SAG: variants seen among roughly 807,000 people sequenced by gnomAD.
SAG encodes the protein S-arrestin.
SAG carries 45 observed loss-of-function variants against 55.0 expected under a neutral mutation model. The ratio of observed to expected loss-of-function variants is 0.82; its 90% CI spans 0.64 to 1.05. SAG has a LOEUF of 1.05. Among genes scored for constraint, SAG ranks in the 50% least tolerant of loss-of-function variants. The pLI is 0.00. For missense variants in SAG, 455 were observed against 512.1 expected (o/e 0.89, Z 1.08); for synonymous variants, 189 against 197.4 (o/e 0.96, Z 0.36).
At chr2:233,309,347 T>C in intron 2 of SAG, 83 bp downstream of exon 2, 1 of 1,273,064 alleles carries the variant, frequency 7.9e-7, no homozygotes. Flanking sequence ...GTAGTCATGA[T>C]CAACATCAAA....
chr2:233,324,412 A>G (rs1315569577), intron 6 of SAG, among the ~76,000 whole-genome samples: 1 of 152,122 alleles, frequency 6.6e-6, no homozygotes, highest in Non-Finnish European at 1.5e-5. Flanking sequence ...CAAACAACAA[A>G]CAAAAAAAGT....
In SAG at chr2:233,327,535, C is replaced by T. The variant is rs923153413; in HGVS notation, c.512+338C>T. Reference sequence around the variant, plus strand: ...AACATGAAGTTTGCCATTTTAACCACTTTTTTTTCTTTTTTTCTTTTATTT... The same window carrying T: ...AACATGAAGTTTGCCATTTTAACCATTTTTTTTTCTTTTTTTCTTTTATTT... On this transcript the variant is annotated intron_variant, in intron 7 of 15. Transcript: ENST00000409110. The T allele has an allele frequency of 3.5e-3, 655 of 189,854 alleles. 2 individuals carry two copies. Among genetic ancestry groups the T allele is most frequent in the African/African-American group, 0.014 (604 of 42,486 alleles). The allele number at this position is 189,854 out of a possible 1,614,324, so 11.8% of individuals were successfully genotyped here.
At chr2:233,336,709 A>G (rs1215847671) in intron 11 of SAG, among the ~76,000 whole-genome samples, 2 of 152,156 alleles carry the variant, frequency 1.3e-5, no homozygotes, top group Non-Finnish European at 2.9e-5. Flanking sequence ...CCAGCCCAGG[A>G]AGATGCCAGG....
At position 233,338,949 on chromosome 2, in the gene SAG, A is replaced by G. The variant is rs975502329; in HGVS notation, c.1022+196A>G. On this transcript the variant is annotated intron_variant, in intron 12 of 15. Transcript: ENST00000409110. ...TGTCTGATAAAATGTCAGGTGGGAA[A>G]GGGTGGAGAAGCAGACTCTGAAATG... The G allele has an allele frequency of 4.0e-5, 27 of 683,290 alleles. No individual in the cohort carries two copies. The African/African-American group carries it at 4.2e-4, about 11-fold the overall frequency. 42.3% of individuals were successfully genotyped at this position (683,290 alleles called of 1,614,324 possible). A position where few individuals can be genotyped will look rare whatever the true frequency, so the allele number is the denominator to read the frequency against.
intron 15 of SAG, among the ~76,000 whole-genome samples, 178 bp from the exon 16 acceptor site, chr2:233,346,628 TC>T: frequency 6.6e-6 from 1 of 152,206 alleles, no homozygotes; most frequent in Admixed American, 6.5e-5. Context: ...CTTTGTTTTC[TC>T]CCATTGGTGC....
At chr2:233,308,048 C>CGAT (rs1699990642) in intron 1 of SAG, 26 bp downstream of exon 1, 1 of 152,470 alleles carries the variant, frequency 6.6e-6, no homozygotes, top group African/African-American at 2.4e-5. Flanking sequence ...AGGCCAAAAC[C>CGAT]TTATCAGAAA....
chr2:233,309,113 G>A, intron 1 of SAG, 49 bp from the exon 2 acceptor site: 5 of 1,113,452 alleles, frequency 4.5e-6, no homozygotes, highest in Non-Finnish European at 4.0e-6. Flanking sequence ...TGATATTTAG[G>A]ATTGTCTTAC....
intron 6 of SAG, among the ~76,000 whole-genome samples, chr2:233,324,583 T>C (rs1368334326): frequency 6.6e-6 from 1 of 152,046 alleles, no homozygotes; most frequent in African/African-American, 2.4e-5. Flanking sequence ...GCCACAGAGT[T>C]GAGAACAGAG....
At chr2:233,323,655 G>A (rs1301222474) in intron 6 of SAG, among the ~76,000 whole-genome samples, 5 of 152,178 alleles carry the variant, frequency 3.3e-5, no homozygotes, top group African/African-American at 7.2e-5. Context: ...GAGCCACCGC[G>A]CTCGGCCCAT....
At position 233,319,376 on chromosome 2, in the gene SAG, C is replaced by A. The variant is rs1700311372; in HGVS notation, c.181+581C>A. On this transcript the variant is annotated intron_variant, in intron 4 of 15. Transcript: ENST00000409110. The surrounding 1 kb of genome is among the most constrained non-coding windows in gnomAD (Gnocchi z 4.4). ...AGTGTCACGGCGCCCTTGAAGATTTCTGGCAGTTTTGATGTGTGTGGTAAG... is the reference window on the plus strand; with the variant it reads ...AGTGTCACGGCGCCCTTGAAGATTTATGGCAGTTTTGATGTGTGTGGTAAG... Among the ~76,000 whole-genome samples, 1 of 152,162 alleles carries A rather than the reference C, an allele frequency of 6.6e-6. No homozygotes were observed. The highest frequency in any genetic ancestry group is 2.4e-5 in the African/African-American group (1 of 41,422).
At chr2:233,330,301 A>G (rs1700706676) in intron 9 of SAG, among the ~76,000 whole-genome samples, 1 of 152,194 alleles carries the variant, frequency 6.6e-6, no homozygotes, top group South Asian at 2.1e-4. Context: ...TGACTGTCCC[A>G]GGGCCCAGGA....
At chr2:233,320,507 A>T (rs536946423) in intron 4 of SAG, 123 bp from the exon 5 acceptor site, 1 of 701,610 alleles carries the variant, frequency 1.4e-6, no homozygotes, top group Non-Finnish European at 2.3e-6. Context: ...GTTCTCTCCA[A>T]TCCCAGCCCC....
Position 233,338,115 on chromosome 2 carries a change from G to T in SAG, c.945-561G>T, listed in dbSNP as rs528978328. Reference sequence around the variant, plus strand: ...CACAGCTGGATATCTTGGAAGGCAGGAGAGAAGGAGGGGGCATTCTGGTGC... The same window carrying T: ...CACAGCTGGATATCTTGGAAGGCAGTAGAGAAGGAGGGGGCATTCTGGTGC... On this transcript the variant is annotated intron_variant, in intron 11 of 15. Coordinates refer to ENST00000409110, the MANE Select transcript of SAG (RefSeq NM_000541.5). Among the ~76,000 whole-genome samples, 7 of 152,324 alleles carry T rather than the reference G, an allele frequency of 4.6e-5. No homozygotes were observed. The East Asian group carries it at 1.4e-3, about 29-fold the overall frequency.
Position 233,347,046 on chromosome 2 carries a change from T to G in SAG, c.*134T>G. The G allele has an allele frequency of 4.8e-6, 3 of 625,722 alleles. No individual in the cohort carries two copies. The highest frequency in any genetic ancestry group is 8.5e-6 in the Non-Finnish European group (3 of 350,932). The allele number at this position is 625,722 out of a possible 1,614,324, so 38.8% of individuals were successfully genotyped here. A position where few individuals can be genotyped will look rare whatever the true frequency, so the allele number is the denominator to read the frequency against. On this transcript the variant is annotated 3_prime_UTR_variant, in exon 16 of 16. Coordinates refer to ENST00000409110, the MANE Select transcript of SAG (RefSeq NM_000541.5). The surrounding 1 kb of genome is among the most constrained non-coding windows in gnomAD (Gnocchi z 4.5). ...CTTCCGAGAAATAAAGCTTGTTTGT[T>G]CTCCCCTGGGTCATGAGTTGGTTGA...
chr2:233,321,337 G>A (rs1700374250), intron 5 of SAG, among the ~76,000 whole-genome samples: 1 of 152,158 alleles, frequency 6.6e-6, no homozygotes, highest in South Asian at 2.1e-4. Flanking sequence ...TTGGGCGTGA[G>A]CTCAATTGGG....
chr2:233,326,656 T>C (rs1000548), intron 6 of SAG, among the ~76,000 whole-genome samples: 10,186 of 151,706 alleles, frequency 0.067, 416 homozygotes, highest in South Asian at 0.1. Flanking sequence ...AGGCTGCCGC[T>C]GAACAGCAGG....
Position 233,340,738 on chromosome 2 carries a change from C to T in SAG, c.1046+260C>T, listed in dbSNP as rs1418758972. On this transcript the variant is annotated intron_variant, in intron 13 of 15. Transcript: ENST00000409110. The surrounding 1 kb of genome is among the most constrained non-coding windows in gnomAD (Gnocchi z 4.2). ...TACACACCCAGAAAACTGGCACACTCCATGCAGCCAGCTTGTGTGTGTGTG... is the reference window on the plus strand; with the variant it reads ...TACACACCCAGAAAACTGGCACACTTCATGCAGCCAGCTTGTGTGTGTGTG... Among the ~76,000 whole-genome samples the T allele has an allele frequency of 2.1e-5, 3 of 145,492 alleles. No individual in the cohort carries two copies. Among genetic ancestry groups the T allele is most frequent in the African/African-American group, 7.6e-5 (3 of 39,590 alleles).
chr2:233,317,820 C>T (rs1461308842), intron 3 of SAG, among the ~76,000 whole-genome samples: 2 of 151,762 alleles, frequency 1.3e-5, no homozygotes, highest in East Asian at 1.9e-4. Flanking sequence ...TATATATATA[C>T]GTGTGTGTAT....
chr2:233,324,335 T>C (rs1383538289), intron 6 of SAG, among the ~76,000 whole-genome samples: 1 of 152,150 alleles, frequency 6.6e-6, no homozygotes, highest in East Asian at 1.9e-4. Flanking sequence ...GAGGCTGCAG[T>C]GAGCTGTGAT....
Sources: gnomAD v4.1 joint callset for allele counts (sites outside exome capture counted in the v4.1 genomes callset) on GRCh38, gnomAD v4.1.1 for gene constraint, Gnocchi (gnomAD v3.1) non-coding constraint, MANE v1.5 for transcripts, NCBI Gene and HGNC (gene_info 2026-07-23, HGNC 2026-07-21) for gene names.